Variants in ERG observed in about 807,000 individuals in gnomAD.
ERG encodes transcriptional regulator ERG.
Under a neutral mutation model 55.3 loss-of-function variants are expected in ERG, and 9 were observed. That is an observed-to-expected ratio of 0.16 (90% CI 0.10 to 0.28). The LOEUF (loss-of-function observed/expected upper bound fraction) is 0.28, where lower values mean the gene tolerates loss of function less well. ERG is among the 10% of genes least tolerant of loss of function. The probability of loss-of-function intolerance (pLI) is 1.00; values close to 1 mark genes in which losing one functional copy is unlikely to be tolerated. For missense variants in ERG, 434 were observed against 631.6 expected (o/e 0.69, Z 3.35); for synonymous variants, 223 against 237.3 (o/e 0.94, Z 0.55).
At chr21:38,587,589 C>T (rs2060074296), upstream of ERG, among the ~76,000 whole-genome samples, 1 of 152,142 alleles carries the variant, frequency 6.6e-6, no homozygotes, top group African/African-American at 2.4e-5. Context: ...ATCTCCTGAC[C>T]TCGTGATCCA....
chr21:38,483,676 G>A (rs1264709077), intron 1 of ERG, among the ~76,000 whole-genome samples: 10 of 151,672 alleles, frequency 6.6e-5, no homozygotes, highest in South Asian at 2.1e-4. Flanking sequence ...GTGAAACCCC[G>A]TCTCTACTAA....
chr21:38,584,713 C>T (rs536791337), intron 1 of ERG: 1 of 152,262 alleles, frequency 6.6e-6, no homozygotes, highest in East Asian at 1.9e-4. Flanking sequence ...GCAAAGAATC[C>T]AGAAATGGTC....
chr21:38,511,101 A>T (rs532030234), intron 2 of ERG, among the ~76,000 whole-genome samples: 1 of 152,338 alleles, frequency 6.6e-6, no homozygotes, highest in South Asian at 2.1e-4. Flanking sequence ...AACCTAACAA[A>T]TGTTTCCCCC....
At chr21:38,424,987 C>G (rs1005740231) in intron 2 of ERG, among the ~76,000 whole-genome samples, 5 of 152,162 alleles carry the variant, frequency 3.3e-5, no homozygotes, top group Non-Finnish European at 5.9e-5. Context: ...TAAAGTCAAA[C>G]CTACCTTTCT....
chr21:38,400,067 G>T (rs1169652144), intron 6 of ERG: 1 of 308,096 alleles, frequency 3.2e-6, no homozygotes, highest in Non-Finnish European at 6.3e-6. Context: ...CTTGATAGAT[G>T]TTTATTTTTG....
At chr21:38,553,816 A>T (rs1019528230) in intron 2 of ERG, among the ~76,000 whole-genome samples, 1 of 152,140 alleles carries the variant, frequency 6.6e-6, no homozygotes, top group East Asian at 1.9e-4. Flanking sequence ...CAACAAAAAC[A>T]GAAATTGACA....
chr21:38,404,695 G>A (rs1465695426), intron 3 of ERG, among the ~76,000 whole-genome samples: 6 of 152,148 alleles, frequency 3.9e-5, no homozygotes, highest in Admixed American at 1.3e-4. Flanking sequence ...TCCTTTCTGT[G>A]TCTGTCCCAC....
intron 1 of ERG, among the ~76,000 whole-genome samples, chr21:38,598,084 C>T (rs1360077367): frequency 6.6e-6 from 1 of 152,152 alleles, no homozygotes; most frequent in East Asian, 1.9e-4. Flanking sequence ...GATCTTGGAC[C>T]AGCCACGTCC....
chr21:38,432,753 T>A (rs1332715736), intron 2 of ERG, among the ~76,000 whole-genome samples: 1 of 152,146 alleles, frequency 6.6e-6, no homozygotes, highest in Admixed American at 6.5e-5. Context: ...TTGCCCAAGA[T>A]CACACAGCCA....
chr21:38,558,679 T>C (rs185000894), intron 2 of ERG, among the ~76,000 whole-genome samples: 182 of 152,248 alleles, frequency 1.2e-3, no homozygotes, highest in African/African-American at 4.2e-3. Flanking sequence ...CTATCACGTA[T>C]CAATAAGGAA....
intron 2 of ERG, among the ~76,000 whole-genome samples, chr21:38,429,395 A>ACACATG (rs1990014950): frequency 7.2e-5 from 1 of 13,976 alleles, no homozygotes; most frequent in Non-Finnish European, 4.9e-4. Flanking sequence ...ATGTACACAT[A>ACACATG]TACACATGTA....
At position 38,461,245 on chromosome 21, in the gene ERG, G is replaced by T. The variant is rs527471881; in HGVS notation, c.19-15624C>A. On this transcript the variant is annotated intron_variant, in intron 1 of 9. Coordinates refer to ENST00000288319, the MANE Select transcript of ERG (RefSeq NM_182918.4). ...GCTTGTGGATGGTCATCTTCTCCCT[G>T]TCTCTTCATATCATCCTCCCTCTAT... Among the ~76,000 whole-genome samples, 7 of 152,172 alleles carry T rather than the reference G, an allele frequency of 4.6e-5. No individual in the cohort carries two copies. In the South Asian group the frequency reaches 6.2e-4, roughly 14 times the overall value.
At chr21:38,652,335 A>G (rs2060493127) in intron 1 of ERG, among the ~76,000 whole-genome samples, 1 of 152,090 alleles carries the variant, frequency 6.6e-6, no homozygotes, top group African/African-American at 2.4e-5. Context: ...TGATCTTCCT[A>G]TGGAATGGTG....
intron 1 of ERG, among the ~76,000 whole-genome samples, chr21:38,597,722 G>A (rs1267636035): frequency 3.3e-5 from 5 of 152,104 alleles, no homozygotes; most frequent in Non-Finnish European, 7.4e-5. Flanking sequence ...GCATCTGAGG[G>A]AATAAGTCCT....
At position 38,381,129 on chromosome 21, in the gene ERG, C is replaced by T. The variant is rs1374944973; in HGVS notation, c.*2274G>A. 4 of 1,064,784 alleles carry T rather than the reference C, an allele frequency of 3.8e-6. No homozygotes were observed. The highest frequency in any genetic ancestry group is 5.0e-5 in the East Asian group (1 of 20,048). The allele number at this position is 1,064,784 out of a possible 1,614,324, so 66.0% of individuals were successfully genotyped here. A position where few individuals can be genotyped will look rare whatever the true frequency, so the allele number is the denominator to read the frequency against. On this transcript the variant is annotated 3_prime_UTR_variant, in exon 10 of 10. Transcript: ENST00000288319. ...AGGAGCATTGGTAATCGTGTCCTGCCGACTTCAAAGCCCACTGCCAAAACA... is the reference window on the plus strand; with the variant it reads ...AGGAGCATTGGTAATCGTGTCCTGCTGACTTCAAAGCCCACTGCCAAAACA...
At chr21:38,553,638 G>A (rs2059838753) in intron 2 of ERG, among the ~76,000 whole-genome samples, 1 of 152,114 alleles carries the variant, frequency 6.6e-6, no homozygotes, top group Admixed American at 6.5e-5. Context: ...ATATGCAGAA[G>A]ATTGAAACTA....
intron 2 of ERG, among the ~76,000 whole-genome samples, chr21:38,529,435 G>A (rs571768934): frequency 6.6e-6 from 1 of 152,220 alleles, no homozygotes; most frequent in Non-Finnish European, 1.5e-5. Context: ...ATGGCTATGA[G>A]GGAAAGAGGA....
chr21:38,548,881 C>A (rs113867359), intron 2 of ERG, among the ~76,000 whole-genome samples: 1 of 149,726 alleles, frequency 6.7e-6, no homozygotes, highest in Admixed American at 6.6e-5. Context: ...GAGGCTGAGG[C>A]GGGCAGATCA....
chr21:38,399,908 C>T lies in ERG; in HGVS notation c.745+666G>A, dbSNP rs1266758547. The T allele has an allele frequency of 1.0e-5, 2 of 192,460 alleles. 1 individual carries two copies. Among genetic ancestry groups the T allele is most frequent in the Non-Finnish European group, 2.2e-5 (2 of 91,200 alleles). 11.9% of individuals were successfully genotyped at this position (192,460 alleles called of 1,614,324 possible). A position where few individuals can be genotyped will look rare whatever the true frequency, so the allele number is the denominator to read the frequency against. ...ACATTTCGGTTTGTTCACCATCATA[C>T]CATCCGTGGCTGGCACAGAGGAGGC... On this transcript the variant is annotated intron_variant, in intron 6 of 9. Coordinates refer to ENST00000288319, the MANE Select transcript of ERG (RefSeq NM_182918.4).
Sources: gnomAD v4.1 joint callset for allele counts (sites outside exome capture counted in the v4.1 genomes callset) on GRCh38, gnomAD v4.1.1 for gene constraint, MANE v1.5 for transcripts, NCBI Gene and HGNC (gene_info 2026-07-23, HGNC 2026-07-21) for gene names.